The following RAP1A variants were observed in gnomAD, a reference collection of about 807,000 sequenced individuals.
RAP1A encodes the protein ras-related protein Rap-1A.
A neutral mutation model predicts 26.4 loss-of-function variants in RAP1A; 6 were observed. That is an observed-to-expected ratio of 0.23 (90% confidence interval 0.12 to 0.45). The LOEUF (loss-of-function observed/expected upper bound fraction) is 0.45, where lower values mean the gene tolerates loss of function less well. Among genes scored for constraint, RAP1A ranks in the 20% least tolerant of loss-of-function variants. RAP1A has a pLI of 0.99. For missense variants in RAP1A, 121 were observed against 217.2 expected (o/e 0.56, Z 2.78); for synonymous variants, 73 against 79.4 (o/e 0.92, Z 0.43).
chr1:111,627,289 A>G (rs934974456), intron 1 of RAP1A, among the ~76,000 whole-genome samples: 2 of 152,110 alleles, frequency 1.3e-5, no homozygotes, highest in Admixed American at 1.3e-4. Context: ...CGAAACTTAG[A>G]ATTATAACTT....
intron 1 of RAP1A, among the ~76,000 whole-genome samples, chr1:111,607,534 C>T (rs1421440829): frequency 6.6e-6 from 1 of 151,828 alleles, no homozygotes; most frequent in Non-Finnish European, 1.5e-5. Context: ...GGGTACACCT[C>T]CCAGACGGGG....
At position 111,619,845 on chromosome 1, in the gene RAP1A, C is replaced by G. The variant is rs917653652; in HGVS notation, c.-117C>G. The G allele has an allele frequency of 2.5e-6, 1 of 398,860 alleles. No homozygotes were observed. The highest frequency in any genetic ancestry group is 4.4e-6 in the Non-Finnish European group (1 of 226,856). The allele number at this position is 398,860 out of a possible 1,614,324, so 24.7% of individuals were successfully genotyped here. A position where few individuals can be genotyped will look rare whatever the true frequency, so the allele number is the denominator to read the frequency against. ...CTCCCGCTGCTGTCGCCGCGCAGAG[C>G]CGGAGCAGGAGCCACGGCCGAGAGG... is the stretch of plus-strand genomic sequence containing the variant. On this transcript the variant is annotated 5_prime_UTR_variant, in exon 1 of 8. Transcript: ENST00000369709.
upstream of RAP1A, among the ~76,000 whole-genome samples, chr1:111,615,829 CAA>C (rs34751097): frequency 0.059 from 5,064 of 86,156 alleles, 128 homozygotes; most frequent in African/African-American, 0.14. Flanking sequence ...GACTCTGTCT[CAA>C]AAAAAAAAAA....
intron 1 of RAP1A, among the ~76,000 whole-genome samples, chr1:111,669,569 A>G (rs183654734): frequency 1.3e-5 from 2 of 152,258 alleles, no homozygotes; most frequent in Admixed American, 1.3e-4. Flanking sequence ...CCTAGCTGCC[A>G]AACAAGAGTG....
intron 1 of RAP1A, among the ~76,000 whole-genome samples, chr1:111,576,067 AAG>A (rs1658142503): frequency 6.6e-6 from 1 of 152,360 alleles, no homozygotes; most frequent in African/African-American, 2.4e-5. Context: ...GGGATCATGA[AAG>A]AGTGTATCCA....
intron 1 of RAP1A, among the ~76,000 whole-genome samples, chr1:111,662,287 C>T (rs935132964): frequency 6.7e-6 from 1 of 150,194 alleles, no homozygotes; most frequent in Non-Finnish European, 1.5e-5. Flanking sequence ...CCCAGCTACT[C>T]GGGAGGCTGA....
At chr1:111,595,522 C>T (rs1658550237) in intron 1 of RAP1A, among the ~76,000 whole-genome samples, 1 of 152,098 alleles carries the variant, frequency 6.6e-6, no homozygotes, top group Non-Finnish European at 1.5e-5. Context: ...AAACAAAGGA[C>T]AGGGATAACA....
chr1:111,552,798 A>G (rs61788210), intron 1 of RAP1A, among the ~76,000 whole-genome samples: 57,962 of 152,056 alleles, frequency 0.38, 11,439 homozygotes, highest in Non-Finnish European at 0.45. Flanking sequence ...CAGTTTTAAC[A>G]TCTGTAAAAT....
intron 1 of RAP1A, among the ~76,000 whole-genome samples, chr1:111,581,157 A>G (rs775176932): frequency 2.6e-5 from 4 of 151,658 alleles, no homozygotes; most frequent in Non-Finnish European, 2.9e-5. Context: ...AAGTGACGGT[A>G]AATGCAGTCT....
intron 1 of RAP1A, among the ~76,000 whole-genome samples, chr1:111,570,186 C>T (rs1395502826): frequency 2.6e-5 from 4 of 152,074 alleles, no homozygotes; most frequent in Non-Finnish European, 1.5e-5. Context: ...TGTGGCAGAT[C>T]CTCTGAGGCT....
chr1:111,683,568 G>T (rs1661372810), intron 1 of RAP1A, among the ~76,000 whole-genome samples: 1 of 152,088 alleles, frequency 6.6e-6, no homozygotes, highest in South Asian at 2.1e-4. Flanking sequence ...TAGAAGAAAT[G>T]GATAAATTCC....
intron 1 of RAP1A, among the ~76,000 whole-genome samples, chr1:111,689,593 C>T (rs143624899): frequency 1.0e-3 from 159 of 152,128 alleles, no homozygotes; most frequent in African/African-American, 3.7e-3. Context: ...TTTATAATAG[C>T]CGTTTTAGAG....
intron 1 of RAP1A, among the ~76,000 whole-genome samples, chr1:111,629,103 G>A (rs1307046853): frequency 3.9e-5 from 6 of 151,906 alleles, no homozygotes; most frequent in African/African-American, 9.7e-5. Flanking sequence ...GATTGCTGCA[G>A]GACTTTAAAA....
intron 1 of RAP1A, among the ~76,000 whole-genome samples, chr1:111,567,435 A>T (rs1002363937): frequency 1.3e-5 from 2 of 152,236 alleles, no homozygotes; most frequent in African/African-American, 4.8e-5. Context: ...TAAAAGTCTC[A>T]TCACTGCCAA....
At chr1:111,561,710 C>T (rs1657745415) in intron 1 of RAP1A, among the ~76,000 whole-genome samples, 2 of 152,174 alleles carry the variant, frequency 1.3e-5, no homozygotes, top group South Asian at 4.1e-4. Context: ...GGAAGTGTCT[C>T]TTAATGGAGT....
chr1:111,691,526 T>C (rs980301474), intron 2 of RAP1A, 109 bp downstream of exon 2: 2 of 893,498 alleles, frequency 2.2e-6, no homozygotes, highest in Non-Finnish European at 3.6e-6. Context: ...CATTATTATA[T>C]ATCTGATATC....
intron 1 of RAP1A, among the ~76,000 whole-genome samples, chr1:111,622,087 C>A (rs1431587362): frequency 6.6e-6 from 1 of 152,172 alleles, no homozygotes; most frequent in Non-Finnish European, 1.5e-5. Context: ...CAGAAAGATA[C>A]ACAATTTTGC....
intron 1 of RAP1A, among the ~76,000 whole-genome samples, chr1:111,583,461 A>G (rs1424144723): frequency 2.7e-5 from 3 of 110,972 alleles, no homozygotes; most frequent in African/African-American, 1.2e-4. Flanking sequence ...ACACAGCAAG[A>G]CCCCATTCAA....
At chr1:111,688,599 C>T (rs1216535910) in intron 1 of RAP1A, among the ~76,000 whole-genome samples, 3 of 151,888 alleles carry the variant, frequency 2.0e-5, no homozygotes, top group Non-Finnish European at 2.9e-5. Context: ...GGATTACAGA[C>T]GTGAGCCACC....
Sources: allele counts gnomAD v4.1 joint callset (sites outside exome capture counted in the v4.1 genomes callset), GRCh38; gene constraint gnomAD v4.1.1; transcripts MANE v1.5; gene names NCBI Gene and HGNC (gene_info 2026-07-23, HGNC 2026-07-21).